The following LINGO2 variants were observed in gnomAD, a reference collection of about 807,000 sequenced individuals.
The protein encoded by LINGO2 is leucine-rich repeat and immunoglobulin-like domain-containing nogo receptor-interacting protein 2.
A neutral mutation model predicts 30.6 loss-of-function variants in LINGO2; 14 were observed. The observed-to-expected ratio is 0.46, with a 90% confidence interval of 0.30 to 0.72. LINGO2 has a LOEUF of 0.72. LINGO2 is among the 30% of genes least tolerant of loss of function. LINGO2 has a pLI of 0.07. For synonymous variants in LINGO2, 317 were observed against 288.5 expected (o/e 1.10, Z -1.00); for missense variants, 729 against 751.7 (o/e 0.97, Z 0.35).
chr9:28,929,420 A>G, the LINGO2 span, among the ~76,000 whole-genome samples: 3 of 152,234 alleles, frequency 2.0e-5, no homozygotes, highest in Non-Finnish European at 2.9e-5. Context: ...TGAAGTTTCA[A>G]CTGGGCTGAG....
At chr9:28,091,664 C>G (rs1368785475) in intron 4 of LINGO2, among the ~76,000 whole-genome samples, 2 of 152,060 alleles carry the variant, frequency 1.3e-5, no homozygotes, top group South Asian at 4.2e-4. Flanking sequence ...TCTAAAACAC[C>G]AAAAGCAATG....
chr9:28,133,580 A>T (rs1365703362), intron 4 of LINGO2, among the ~76,000 whole-genome samples: 1 of 152,200 alleles, frequency 6.6e-6, no homozygotes, highest in Non-Finnish European at 1.5e-5. Context: ...ATTTTGAAGT[A>T]TTATCTTAAA....
the LINGO2 span, among the ~76,000 whole-genome samples, chr9:28,932,968 G>A: frequency 5.6e-3 from 850 of 152,072 alleles, 12 homozygotes; most frequent in African/African-American, 0.019. Context: ...ATGCAGTGGT[G>A]TGATTTCCAC....
At chr9:28,230,983 A>G (rs1821334559) in intron 4 of LINGO2, among the ~76,000 whole-genome samples, 1 of 151,990 alleles carries the variant, frequency 6.6e-6, no homozygotes, top group Non-Finnish European at 1.5e-5. Flanking sequence ...CTGACAAATA[A>G]TCTTAATCTC....
intron 4 of LINGO2, among the ~76,000 whole-genome samples, chr9:28,280,180 G>T (rs186729324): frequency 7.9e-5 from 12 of 152,136 alleles, no homozygotes; most frequent in Middle Eastern, 3.4e-3. Context: ...AGTAGTGTGC[G>T]GAAAAATTAC....
At chr9:28,644,183 C>T (rs1012098673) in intron 1 of LINGO2, among the ~76,000 whole-genome samples, 23 of 151,812 alleles carry the variant, frequency 1.5e-4, no homozygotes, top group Admixed American at 9.2e-4. Context: ...AATTCCACTA[C>T]TGGATATATA....
intron 4 of LINGO2, among the ~76,000 whole-genome samples, chr9:28,036,185 G>A (rs1317113751): frequency 6.6e-6 from 1 of 152,192 alleles, no homozygotes; most frequent in African/African-American, 2.4e-5. Context: ...CTCACCATTT[G>A]TAGGTGAAAA....
At chr9:28,579,962 T>C (rs1521739) in intron 1 of LINGO2, among the ~76,000 whole-genome samples, 89,890 of 151,958 alleles carry the variant, frequency 0.59, 26,948 homozygotes, top group East Asian at 0.69. Flanking sequence ...ATTTGTGAAG[T>C]TGGGCAGGCT....
At chr9:28,775,155 G>A in the LINGO2 span, among the ~76,000 whole-genome samples, 2 of 152,250 alleles carry the variant, frequency 1.3e-5, no homozygotes, top group East Asian at 3.9e-4. Context: ...AGCTTTGCTT[G>A]GCAGTCACTG....
chr9:29,110,037 C>A, the LINGO2 span, among the ~76,000 whole-genome samples: 3 of 152,052 alleles, frequency 2.0e-5, no homozygotes, highest in African/African-American at 7.2e-5. Flanking sequence ...GATACCCTAC[C>A]CAGGAAAACA....
At chr9:28,296,251 G>A (rs1331328422) in intron 3 of LINGO2, among the ~76,000 whole-genome samples, 3 of 152,106 alleles carry the variant, frequency 2.0e-5, no homozygotes, top group East Asian at 1.9e-4. Context: ...TTCAATAGAC[G>A]ATCAGGATGA....
At chr9:28,055,440 A>G (rs927943041) in intron 4 of LINGO2, among the ~76,000 whole-genome samples, 7 of 152,160 alleles carry the variant, frequency 4.6e-5, no homozygotes, top group African/African-American at 1.7e-4. Flanking sequence ...GTATAAGGGC[A>G]TTTGCAGCAA....
chr9:29,038,924 A>G, the LINGO2 span, among the ~76,000 whole-genome samples: 4 of 152,158 alleles, frequency 2.6e-5, no homozygotes, highest in Admixed American at 6.6e-5. Context: ...GACTTTATAA[A>G]TTGTTGAGGA....
At chr9:28,553,308 C>A (rs1465281929) in intron 1 of LINGO2, among the ~76,000 whole-genome samples, 1 of 151,948 alleles carries the variant, frequency 6.6e-6, no homozygotes, top group East Asian at 1.9e-4. Context: ...CTTAAAGGAG[C>A]TGATGGAGCT....
the LINGO2 span, among the ~76,000 whole-genome samples, chr9:28,690,976 T>C: frequency 1.3e-5 from 2 of 152,186 alleles, no homozygotes; most frequent in African/African-American, 4.8e-5. Flanking sequence ...TGATGGTAGA[T>C]GGTGTTGTAG....
At chr9:28,967,114 C>T in the LINGO2 span, among the ~76,000 whole-genome samples, 1 of 152,084 alleles carries the variant, frequency 6.6e-6, no homozygotes, top group Non-Finnish European at 1.5e-5. Flanking sequence ...ATGCCAACTG[C>T]CTTACACTGA....
At chr9:28,430,109 C>CACGTGTGTGTGTGT (rs1554720107) in intron 2 of LINGO2, among the ~76,000 whole-genome samples, 1 of 136,100 alleles carries the variant, frequency 7.3e-6, no homozygotes, top group African/African-American at 2.6e-5. Flanking sequence ...CGCGCGCGCG[C>CACGTGTGTGTGTGT]GTGTGTGTGT....
the LINGO2 span, among the ~76,000 whole-genome samples, chr9:28,725,212 G>A: frequency 5.1e-4 from 77 of 151,880 alleles, 2 homozygotes; most frequent in East Asian, 0.011. Context: ...ATATGTATGC[G>A]TATTTTTCTA....
the LINGO2 span, among the ~76,000 whole-genome samples, chr9:28,712,248 T>C: frequency 6.6e-6 from 1 of 152,126 alleles, no homozygotes; most frequent in African/African-American, 2.4e-5. Flanking sequence ...TAAACGTTTT[T>C]GACCCTTTAA....
Sources: allele counts gnomAD v4.1 joint callset (sites outside exome capture counted in the v4.1 genomes callset), GRCh38; gene constraint gnomAD v4.1.1; transcripts MANE v1.5; gene names NCBI Gene and HGNC (gene_info 2026-07-23, HGNC 2026-07-21).